The following GRIA1 variants were observed in gnomAD, a reference collection of about 807,000 sequenced individuals.
GRIA1 encodes glutamate ionotropic receptor AMPA type subunit 1.
A neutral mutation model predicts 99.2 loss-of-function variants in GRIA1; 31 were observed. The observed-to-expected ratio is 0.31, with a 90% CI of 0.23 to 0.42. The LOEUF (loss-of-function observed/expected upper bound fraction) is 0.42. Among genes scored for constraint, GRIA1 ranks in the 10% least tolerant of loss-of-function variants. The pLI is 1.00. For synonymous variants in GRIA1, 438 were observed against 432.4 expected, an observed-to-expected ratio of 1.01 and a Z score of -0.16; for missense variants, 782 against 1,157.5, an observed-to-expected ratio of 0.68 and a Z score of 4.71.
chr5:153,765,556 A>G (rs776753933), intron 12 of GRIA1, among the ~76,000 whole-genome samples: 33 of 152,178 alleles, frequency 2.2e-4, no homozygotes, highest in Non-Finnish European at 1.2e-4. Context: ...TATAGATATC[A>G]CAAAGCCAGG....
chr5:153,805,371 A>G (rs577946533), intron 15 of GRIA1, among the ~76,000 whole-genome samples: 22 of 152,304 alleles, frequency 1.4e-4, no homozygotes, highest in African/African-American at 4.8e-4. Context: ...AGTATTAGTA[A>G]AATTAATGTG....
intron 11 of GRIA1, among the ~76,000 whole-genome samples, chr5:153,728,821 T>C (rs1760777516): frequency 9.9e-6 from 1 of 100,552 alleles, no homozygotes; most frequent in Non-Finnish European, 1.9e-5. Flanking sequence ...TGGAAGTCAG[T>C]GTGGCGATTC....
chr5:153,625,062 G>T (rs971371448), intron 2 of GRIA1, among the ~76,000 whole-genome samples: 7 of 152,162 alleles, frequency 4.6e-5, no homozygotes, highest in Non-Finnish European at 7.4e-5. Context: ...TTCATGTGCC[G>T]CAGCCCTGGT....
intron 2 of GRIA1, among the ~76,000 whole-genome samples, chr5:153,502,680 T>C (rs1008075447): frequency 6.6e-6 from 1 of 152,138 alleles, no homozygotes. Context: ...CCCAGGGCCA[T>C]GGGAGGTCCA....
chr5:153,492,268 T>C, intron 1 of GRIA1: 1 of 1,535,498 alleles, frequency 6.5e-7, no homozygotes, highest in Non-Finnish European at 8.7e-7. Context: ...ATGGAGTAAC[T>C]TGCTTTGTTT....
chr5:153,652,650 A>T (rs538345397), intron 4 of GRIA1, among the ~76,000 whole-genome samples: 1 of 152,308 alleles, frequency 6.6e-6, no homozygotes, highest in South Asian at 2.1e-4. Flanking sequence ...TTGTATGGGT[A>T]TTTTAGATTG....
At chr5:153,723,172 C>A (rs530518964) in intron 11 of GRIA1, among the ~76,000 whole-genome samples, 1 of 152,284 alleles carries the variant, frequency 6.6e-6, no homozygotes, top group South Asian at 2.1e-4. Flanking sequence ...AACATGGTTG[C>A]TTTTATTGAC....
At chr5:153,783,638 A>G (rs1764780956) in intron 13 of GRIA1, among the ~76,000 whole-genome samples, 1 of 152,228 alleles carries the variant, frequency 6.6e-6, no homozygotes, top group Admixed American at 6.5e-5. Flanking sequence ...ATATTTGCAC[A>G]TTTTAAACTG....
chr5:153,529,613 A>G (rs558493464), intron 2 of GRIA1, among the ~76,000 whole-genome samples: 46 of 152,274 alleles, frequency 3.0e-4, no homozygotes, highest in African/African-American at 1.1e-3. Flanking sequence ...CAACACCCTA[A>G]AAGTTGAGGG....
intron 2 of GRIA1, among the ~76,000 whole-genome samples, chr5:153,575,090 A>G (rs1467696507): frequency 6.6e-6 from 1 of 152,184 alleles, no homozygotes; most frequent in Non-Finnish European, 1.5e-5. Context: ...TGGCAATCTC[A>G]GGCTTCTAAA....
At position 153,647,110 on chromosome 5, in the gene GRIA1, A is replaced by C; in HGVS notation, c.403A>C (p.Ser135Arg). 2 of 1,613,918 alleles carry C rather than the reference A, an allele frequency of 1.2e-6. No homozygotes were observed. Among genetic ancestry groups the C allele is most frequent in the Non-Finnish European group, 1.7e-6 (2 of 1,179,894 alleles). Residue 135 changes from serine to arginine, a missense_variant, in exon 3 of 16, where the codon AGC becomes CGC. Ser to Arg is a moderately radical substitution (Grantham distance 110, BLOSUM62 -1). Around this residue, in one of 5 missense-constraint regions of GRIA1, gnomAD observed 461 missense variants for 521.7 expected, o/e 0.88. Transcript: ENST00000285900. ...LRPELQDALI[S>R]IIDHYKWQKF... ...CCCTGAACTGCAGGATGCCCTCATCAGCATCATTGACCATTACAAGTGGCA... is the reference window on the plus strand; with the variant it reads ...CCCTGAACTGCAGGATGCCCTCATCCGCATCATTGACCATTACAAGTGGCA...
intron 15 of GRIA1, among the ~76,000 whole-genome samples, chr5:153,805,961 A>G (rs549203716): frequency 6.6e-6 from 1 of 152,318 alleles, no homozygotes; most frequent in Non-Finnish European, 1.5e-5. Context: ...CCAACTGCAG[A>G]AAAGGTACTT....
chr5:153,621,535 C>T (rs1767052178), intron 2 of GRIA1, among the ~76,000 whole-genome samples: 1 of 152,132 alleles, frequency 6.6e-6, no homozygotes, highest in Non-Finnish European at 1.5e-5. Context: ...CATGTGGTAT[C>T]ATGGAAAGAA....
At chr5:153,700,514 A>G (rs984441245) in intron 10 of GRIA1, among the ~76,000 whole-genome samples, 4 of 152,198 alleles carry the variant, frequency 2.6e-5, no homozygotes, top group African/African-American at 9.7e-5. Flanking sequence ...TTTGTTGAGG[A>G]CTTGGGTTGA....
At chr5:153,517,587 A>C (rs1240006765) in intron 2 of GRIA1, among the ~76,000 whole-genome samples, 2 of 152,236 alleles carry the variant, frequency 1.3e-5, no homozygotes, top group Non-Finnish European at 2.9e-5. Flanking sequence ...TCACAGCTGG[A>C]GATGCGTTCA....
chr5:153,545,661 C>T (rs1274608863), intron 2 of GRIA1, among the ~76,000 whole-genome samples: 4 of 152,098 alleles, frequency 2.6e-5, no homozygotes, highest in Non-Finnish European at 4.4e-5. Flanking sequence ...TCTGTAAAAA[C>T]CCAGATAGTA....
At chr5:153,625,890 G>C (rs1022843279) in intron 2 of GRIA1, among the ~76,000 whole-genome samples, 3 of 152,202 alleles carry the variant, frequency 2.0e-5, no homozygotes, top group African/African-American at 4.8e-5. Context: ...CTGAGGCATA[G>C]ACTGGCTAAG....
intron 11 of GRIA1, among the ~76,000 whole-genome samples, chr5:153,748,233 G>T (rs562132093): frequency 6.6e-6 from 1 of 152,322 alleles, no homozygotes; most frequent in South Asian, 2.1e-4. Context: ...ATGATACTTA[G>T]AGTGGTGCAT....
intron 12 of GRIA1, among the ~76,000 whole-genome samples, chr5:153,765,817 G>T (rs1763479889): frequency 6.6e-6 from 1 of 152,208 alleles, no homozygotes; most frequent in African/African-American, 2.4e-5. Context: ...TCTCATTAAA[G>T]ATGAGTTAGA....
Sources: gnomAD v4.1 joint callset for allele counts (sites outside exome capture counted in the v4.1 genomes callset) on GRCh38, gnomAD v4.1.1 for gene constraint, gnomAD v4.1.1 regional missense constraint, MANE v1.5 for transcripts, NCBI Gene and HGNC (gene_info 2026-07-23, HGNC 2026-07-21) for gene names.